The following DIAPH2 variants were observed in gnomAD, a reference collection of about 807,000 sequenced individuals.
DIAPH2 encodes the protein protein diaphanous homolog 2.
DIAPH2 carries 35 observed loss-of-function variants against 92.7 expected under a neutral mutation model. The ratio of observed to expected loss-of-function variants is 0.38; its 90% CI spans 0.29 to 0.50. The LOEUF is 0.50. DIAPH2 is among the 20% of genes least tolerant of loss of function. The pLI is 0.94. For synonymous variants in DIAPH2, 301 were observed against 280.4 expected (o/e 1.07, Z -0.73); for missense variants, 701 against 819.5 (o/e 0.86, Z 1.77).
chrX:96,848,778 G>A (rs1440790342), intron 4 of DIAPH2, among the ~76,000 whole-genome samples: 1 of 112,152 alleles, frequency 8.9e-6, no homozygotes, highest in Admixed American at 9.5e-5. Context: ...TTTGGAAAAA[G>A]TATGAAATTG....
chrX:97,358,378 C>T (rs192914410), intron 24 of DIAPH2, among the ~76,000 whole-genome samples: 165 of 111,465 alleles, frequency 1.5e-3, no homozygotes, highest in African/African-American at 5.2e-3. Context: ...ACCAGGAACA[C>T]TGTTAACCAT....
rs1718629297 is a variant in DIAPH2, at chrX:97,585,712, C to G, written c.3242-13541C>G. ...CACCCCTTTCAGGGTCATGGGAAAT[C>G]CAAGTGTAAGTTATATTCATTGCCT... On this transcript the variant is annotated intron_variant, in intron 26 of 26. Transcript: ENST00000324765. 3.6e-5 allele frequency among the ~76,000 whole-genome samples: 4 copies of G among 111,341 alleles called. No individual in the cohort carries two copies. In the Admixed American group the frequency reaches 3.8e-4, roughly 11 times the overall value.
rs766652295 is a variant in DIAPH2, at chrX:97,075,195, A to G, written c.2181A>G (p.Pro727=). Residue 727 remains proline (P), a synonymous_variant, in exon 19 of 27, where the codon CCA becomes CCG. Coordinates refer to ENST00000324765, the MANE Select transcript of DIAPH2 (RefSeq NM_006729.5). ...LSIFLGSYRM[P]YEDIRNVILE... The stretch of plus-strand genomic sequence containing the variant: ...TCTTTCTGGGATCATATCGCATGCC[A>G]TATGAAGACATAAGAAACGTTATTC... 4 of 1,188,724 alleles carry G rather than the reference A, an allele frequency of 3.4e-6. No homozygotes were observed. In the South Asian group the frequency reaches 7.5e-5, roughly 22 times the overall value.
At chrX:97,431,433 C>T (rs1385709886) in intron 26 of DIAPH2, 1 of 112,398 alleles carries the variant, frequency 8.9e-6, no homozygotes, top group Non-Finnish European at 1.9e-5. Flanking sequence ...TCTCACACCT[C>T]ATACTGATTC....
intron 16 of DIAPH2, among the ~76,000 whole-genome samples, chrX:96,962,406 C>CAT (rs199802804): frequency 1.9e-4 from 10 of 53,258 alleles, no homozygotes; most frequent in East Asian, 1.8e-3. Context: ...TATATATACA[C>CAT]ATATATATAT....
At chrX:97,235,602 A>C (rs1308177037) in intron 22 of DIAPH2, among the ~76,000 whole-genome samples, 1 of 25,896 alleles carries the variant, frequency 3.9e-5, no homozygotes, top group African/African-American at 1.1e-4. Flanking sequence ...AGACTACGTC[A>C]AAAAAAAAAA....
At chrX:96,816,190 C>CGTAT (rs752758965) in intron 4 of DIAPH2, among the ~76,000 whole-genome samples, 8 of 111,783 alleles carry the variant, frequency 7.2e-5, no homozygotes, top group South Asian at 3.7e-4. Flanking sequence ...AATATTCCAC[C>CGTAT]GTATGTATGT....
chrX:97,559,800 T>C lies in DIAPH2; in HGVS notation c.3242-39453T>C, dbSNP rs765906635. Among the ~76,000 whole-genome samples the C allele has an allele frequency of 1.3e-4, 15 of 112,388 alleles. No homozygotes were observed. The South Asian group carries it at 5.6e-3, about 42-fold the overall frequency. On this transcript the variant is annotated intron_variant, in intron 26 of 26. Coordinates refer to ENST00000324765, the MANE Select transcript of DIAPH2 (RefSeq NM_006729.5). ...AGTCTCTAGCAAGGCAGATGTTCAC[T>C]GGCATTTGTCCTCTGGTCTGACTTC...
chrX:97,071,355 A>G (rs1472596186), intron 17 of DIAPH2, among the ~76,000 whole-genome samples: 1 of 111,754 alleles, frequency 8.9e-6, no homozygotes, highest in Non-Finnish European at 1.9e-5. Context: ...ATACAGATAA[A>G]TATCAACATA....
intron 22 of DIAPH2, among the ~76,000 whole-genome samples, chrX:97,176,827 G>T (rs894974545): frequency 2.7e-5 from 3 of 111,504 alleles, no homozygotes; most frequent in African/African-American, 9.8e-5. Context: ...GCGCCTGGCC[G>T]AAGTATTGGT....
chrX:97,449,074 C>T (rs186504372), intron 26 of DIAPH2, among the ~76,000 whole-genome samples: 76 of 111,794 alleles, frequency 6.8e-4, no homozygotes, highest in African/African-American at 1.9e-3. Flanking sequence ...CTGACATTTG[C>T]TATGTTAATT....
chrX:96,712,848 C>T (rs186728761), intron 1 of DIAPH2, among the ~76,000 whole-genome samples: 167 of 111,130 alleles, frequency 1.5e-3, no homozygotes, highest in African/African-American at 5.0e-3. Flanking sequence ...TCCACACTGG[C>T]GAAAGTTCTC....
At chrX:97,316,095 C>A (rs778710172) in intron 23 of DIAPH2, among the ~76,000 whole-genome samples, 165 of 111,350 alleles carry the variant, frequency 1.5e-3, no homozygotes, top group African/African-American at 5.3e-3. Context: ...AGTGATCTCA[C>A]GATGTTGAGA....
At position 96,746,043 on chromosome X, in the gene DIAPH2, G is replaced by T. The variant is rs760362786; in HGVS notation, c.342+7281G>T. 4.5e-4 allele frequency among the ~76,000 whole-genome samples: 50 copies of T among 111,404 alleles called. 1 individual carries two copies. The highest frequency in any genetic ancestry group is 1.5e-3 in the African/African-American group (47 of 30,642). On this transcript the variant is annotated intron_variant, in intron 3 of 26. Transcript: ENST00000324765. ...GCCTCCCAAGTATCTGGGACTACAG[G>T]CATGTGCCAAATAAACGTGATTTTT...
intron 23 of DIAPH2, among the ~76,000 whole-genome samples, chrX:97,248,284 CAGAA>C (rs992408961): frequency 2.3e-4 from 26 of 110,980 alleles, no homozygotes; most frequent in African/African-American, 7.5e-4. Flanking sequence ...TATCACTAGA[CAGAA>C]AGGACTGTGA....
chrX:97,101,083 G>A (rs1030651224), intron 20 of DIAPH2, among the ~76,000 whole-genome samples: 1 of 111,843 alleles, frequency 8.9e-6, no homozygotes, highest in African/African-American at 3.2e-5. Context: ...AAGCAATTTA[G>A]CACAACATTG....
In DIAPH2 at chrX:97,187,281, C is replaced by CTT. The variant is rs763781923; in HGVS notation, c.2719+45509_2719+45510dup. On this transcript the variant is annotated intron_variant, in intron 22 of 26. Coordinates refer to ENST00000324765, the MANE Select transcript of DIAPH2 (RefSeq NM_006729.5). The stretch of plus-strand genomic sequence containing the variant: ...AGGGATTGAAGACTAATTAAGTAGC[C>CTT]TTTTTTTTTTTTTTTTTTTTTTTGC... 7.0e-3 allele frequency among the ~76,000 whole-genome samples: 259 copies of CTT among 36,862 alleles called. 37 individuals are homozygous for CTT. The highest frequency in any genetic ancestry group is 0.026 in the African/African-American group (250 of 9,652). The allele number at this position is 36,862 out of a possible 115,157, so 32.0% of individuals were successfully genotyped here.
chrX:97,547,382 G>GAGA lies in DIAPH2; in HGVS notation c.3242-51868_3242-51866dup, dbSNP rs1177763084. On this transcript the variant is annotated intron_variant, in intron 26 of 26. Coordinates refer to ENST00000324765, the MANE Select transcript of DIAPH2 (RefSeq NM_006729.5). ...TCTAGCTTTTGCTGTGCTAAAGCAA[G>GAGA]AGAAGTACAAATGTCAACAAGCAGA... Among the ~76,000 whole-genome samples the GAGA allele has an allele frequency of 1.1e-4, 12 of 112,080 alleles. No individual in the cohort carries two copies. In the East Asian group the frequency reaches 3.1e-3, roughly 29 times the overall value.
Position 96,770,197 on chromosome X carries a change from C to CAA in DIAPH2, c.447+11953_447+11954dup, listed in dbSNP as rs539855244. Among the ~76,000 whole-genome samples, 301 of 54,720 alleles carry CAA rather than the reference C, an allele frequency of 5.5e-3. 2 individuals are homozygous for CAA. Among genetic ancestry groups the CAA allele is most frequent in the African/African-American group, 0.017 (290 of 16,616 alleles). 47.5% of individuals were successfully genotyped at this position (54,720 alleles called of 115,157 possible). On this transcript the variant is annotated intron_variant, in intron 4 of 26. Coordinates refer to ENST00000324765, the MANE Select transcript of DIAPH2 (RefSeq NM_006729.5). ...TGGGTGACAGAGCGAGACTGTGTCT[C>CAA]AAAAAAAAAAAAAAAGGATAAACAT...
Sources: allele counts gnomAD v4.1 joint callset (sites outside exome capture counted in the v4.1 genomes callset), GRCh38; gene constraint gnomAD v4.1.1; transcripts MANE v1.5; gene names NCBI Gene and HGNC (gene_info 2026-07-23, HGNC 2026-07-21).